Variants in FNDC3B observed in about 807,000 individuals in gnomAD.
FNDC3B encodes the protein fibronectin type III domain containing 3B.
FNDC3B carries 12 observed loss-of-function variants against 151.5 expected under a neutral mutation model. That is an observed-to-expected ratio of 0.08 (90% CI 0.05 to 0.13). The LOEUF is 0.13. Among genes scored for constraint, FNDC3B ranks in the 10% least tolerant of loss-of-function variants. The probability of loss-of-function intolerance (pLI) is 1.00; values close to 1 mark genes in which losing one functional copy is unlikely to be tolerated. For missense variants in FNDC3B, 1,214 were observed against 1,505.3 expected (o/e 0.81, Z 3.20); for synonymous variants, 528 against 549.0 (o/e 0.96, Z 0.54).
At chr3:172,248,950 G>A (rs1460591196) in intron 5 of FNDC3B, among the ~76,000 whole-genome samples, 1 of 151,564 alleles carries the variant, frequency 6.6e-6, no homozygotes, top group African/African-American at 2.4e-5. Flanking sequence ...GGGGATGATA[G>A]CAAAACATGA....
At chr3:172,383,055 T>C (rs1416992162) in intron 25 of FNDC3B, among the ~76,000 whole-genome samples, 1 of 152,214 alleles carries the variant, frequency 6.6e-6, no homozygotes, top group Non-Finnish European at 1.5e-5. Context: ...TAAATTACTT[T>C]GGGCAGTATG....
intron 25 of FNDC3B, among the ~76,000 whole-genome samples, chr3:172,386,759 G>GA (rs1233563821): frequency 5.6e-3 from 597 of 106,346 alleles, no homozygotes; most frequent in South Asian, 0.015. Context: ...AAAAAAAAAA[G>GA]AAAAAAAAAA....
At chr3:172,346,136 A>T in intron 19 of FNDC3B, 191 bp from the exon 20 acceptor site, 1 of 355,428 alleles carries the variant, frequency 2.8e-6, no homozygotes, top group Non-Finnish European at 5.0e-6. Flanking sequence ...CTACTCAGGG[A>T]CTGTATATAG....
At chr3:172,119,101 C>T (rs895888468) in intron 2 of FNDC3B, among the ~76,000 whole-genome samples, 8 of 138,130 alleles carry the variant, frequency 5.8e-5, no homozygotes, top group South Asian at 2.4e-4. Flanking sequence ...ACCTGGGAGG[C>T]GGAGCTTGCA....
Position 172,344,070 on chromosome 3 carries a change from A to G in FNDC3B, c.2078-16A>G, listed in dbSNP as rs201413009. 1.3e-6 allele frequency: 2 copies of G among 1,599,252 alleles called. No homozygotes were observed. Among genetic ancestry groups the G allele is most frequent in the South Asian group, 2.2e-5 (2 of 89,622 alleles). ...GCACAAAGTGTTCTAAGATGAAAAA[A>G]ATTCTTCATTCCCAGATGTTCCTGC... On this transcript the variant is annotated splice_polypyrimidine_tract_variant and intron_variant, in intron 18 of 25. Transcript: ENST00000415807.
intron 1 of FNDC3B, among the ~76,000 whole-genome samples, chr3:172,050,169 C>T (rs1042819395): frequency 6.6e-6 from 1 of 151,926 alleles, no homozygotes; most frequent in Admixed American, 6.5e-5. Flanking sequence ...GATGGGATAC[C>T]AAAGCCTAAA....
Position 172,040,866 on chromosome 3 carries a change from G to A in FNDC3B, c.-29+1095G>A, listed in dbSNP as rs1576808663. On this transcript the variant is annotated intron_variant, in intron 1 of 25. Transcript: ENST00000415807. This position sits in a 1 kb window ranked among gnomAD's most constrained non-coding sequence, Gnocchi z 6.6. ...GGGAACCGGAGGACCCGGGCCCGCCGTCTCGGGAGACTGGGCTGCGCCGCC... is the reference window on the plus strand; with the variant it reads ...GGGAACCGGAGGACCCGGGCCCGCCATCTCGGGAGACTGGGCTGCGCCGCC... Among the ~76,000 whole-genome samples, 1 of 152,100 alleles carries A rather than the reference G, an allele frequency of 6.6e-6. No homozygotes were observed. Among genetic ancestry groups the A allele is most frequent in the African/African-American group, 2.4e-5 (1 of 41,434 alleles).
chr3:172,330,940 T>C (rs1422789010), intron 13 of FNDC3B, among the ~76,000 whole-genome samples: 1 of 152,190 alleles, frequency 6.6e-6, no homozygotes, highest in Non-Finnish European at 1.5e-5. Flanking sequence ...TCATCCTTGA[T>C]CCTATATATA....
intron 8 of FNDC3B, among the ~76,000 whole-genome samples, chr3:172,296,812 A>T (rs1361881835): frequency 6.6e-6 from 1 of 152,204 alleles, no homozygotes; most frequent in African/African-American, 2.4e-5. Flanking sequence ...CCACATGCAG[A>T]CCAGAACAAT....
chr3:172,395,185 TTC>T (rs1206624858), intron 25 of FNDC3B, among the ~76,000 whole-genome samples: 2 of 152,224 alleles, frequency 1.3e-5, no homozygotes, highest in African/African-American at 4.8e-5. Context: ...TAATTTTATT[TTC>T]TTTTTTAATT....
intron 1 of FNDC3B, among the ~76,000 whole-genome samples, chr3:172,078,530 C>A (rs1369913913): frequency 9.6e-6 from 1 of 104,352 alleles, no homozygotes; most frequent in Non-Finnish European, 2.1e-5. Flanking sequence ...CCTGTGACTG[C>A]AGAATGTATT....
intron 3 of FNDC3B, among the ~76,000 whole-genome samples, chr3:172,140,030 A>C (rs1195301621): frequency 1.3e-5 from 2 of 152,188 alleles, no homozygotes; most frequent in Admixed American, 1.3e-4. Context: ...TATTGTGAAC[A>C]CTTAGGCCTC....
At chr3:172,347,910 T>C (rs576526685) in intron 21 of FNDC3B, among the ~76,000 whole-genome samples, 2 of 152,278 alleles carry the variant, frequency 1.3e-5, no homozygotes, top group South Asian at 2.1e-4. Context: ...TCAAGAAAAA[T>C]TGGTTCATAG....
chr3:172,082,207 T>A (rs4894801), intron 1 of FNDC3B, among the ~76,000 whole-genome samples: 98,235 of 152,084 alleles, frequency 0.65, 31,879 homozygotes, highest in East Asian at 0.78. Flanking sequence ...TCAGTCTCAT[T>A]CATTAATGTG....
At chr3:172,072,469 G>A (rs926655412) in intron 1 of FNDC3B, among the ~76,000 whole-genome samples, 3 of 152,012 alleles carry the variant, frequency 2.0e-5, no homozygotes, top group Non-Finnish European at 4.4e-5. Context: ...TTACAAAGTG[G>A]ATAATTGAAT....
chr3:172,213,486 G>A (rs1340641910), intron 3 of FNDC3B, among the ~76,000 whole-genome samples: 2 of 152,196 alleles, frequency 1.3e-5, no homozygotes, highest in Non-Finnish European at 2.9e-5. Context: ...GTCTGAGTAG[G>A]GATGTCTGGA....
chr3:172,345,609 C>G (rs78068417), intron 19 of FNDC3B, among the ~76,000 whole-genome samples: 1 of 152,016 alleles, frequency 6.6e-6, no homozygotes, highest in African/African-American at 2.4e-5. Flanking sequence ...TCTTTTTTCT[C>G]TCATTTTGAC....
At chr3:172,094,878 A>G (rs1183084778) in intron 1 of FNDC3B, among the ~76,000 whole-genome samples, 1 of 151,946 alleles carries the variant, frequency 6.6e-6, no homozygotes, top group South Asian at 2.1e-4. Flanking sequence ...TGTGCAGGGT[A>G]GAGTGGACAG....
At chr3:172,339,512 G>C (rs1461838385) in intron 16 of FNDC3B, among the ~76,000 whole-genome samples, 1 of 152,084 alleles carries the variant, frequency 6.6e-6, no homozygotes, top group Non-Finnish European at 1.5e-5. Flanking sequence ...GCAGTGAGCC[G>C]AGATCGCACC....
Sources: allele counts gnomAD v4.1 joint callset (sites outside exome capture counted in the v4.1 genomes callset), GRCh38; gene constraint gnomAD v4.1.1; non-coding constraint Gnocchi (gnomAD v3.1); transcripts MANE v1.5; gene names NCBI Gene and HGNC (gene_info 2026-07-23, HGNC 2026-07-21).